The following DNAH14 variants were observed in gnomAD, a reference collection of about 807,000 sequenced individuals.
The protein encoded by DNAH14 is dynein axonemal heavy chain 14.
Under a neutral mutation model 520.9 loss-of-function variants are expected in DNAH14, and 478 were observed. The observed-to-expected ratio is 0.92, with a 90% confidence interval of 0.85 to 0.99. The LOEUF (loss-of-function observed/expected upper bound fraction) is 0.99, where lower values mean the gene tolerates loss of function less well. DNAH14 is among the 50% of genes least tolerant of loss of function. The pLI, the probability that DNAH14 is intolerant of heterozygous loss-of-function variation, is 0.00. For missense variants in DNAH14, 4,831 were observed against 5,234.5 expected, an observed-to-expected ratio of 0.92 and a Z score of 2.38; for synonymous variants, 1,581 against 1,757.2, an observed-to-expected ratio of 0.90 and a Z score of 2.51.
At chr1:225,142,068 T>G (rs2079510984) in intron 28 of DNAH14, among the ~76,000 whole-genome samples, 1 of 152,230 alleles carries the variant, frequency 6.6e-6, no homozygotes, top group Non-Finnish European at 1.5e-5. Flanking sequence ...TATACTCACA[T>G]GTTCATTAAA....
At chr1:225,344,910 T>C (rs71646716) in intron 69 of DNAH14, among the ~76,000 whole-genome samples, 17,225 of 151,994 alleles carry the variant, frequency 0.11, 1,162 homozygotes, top group East Asian at 0.26. Context: ...AGAAGGGTTT[T>C]CACCATGTTG....
chr1:225,141,462 G>A (rs537831460), intron 28 of DNAH14, among the ~76,000 whole-genome samples: 5 of 129,380 alleles, frequency 3.9e-5, no homozygotes, highest in East Asian at 4.5e-4. Flanking sequence ...TGAACTATAC[G>A]TATCCTCTGT....
At chr1:225,107,526 A>G (rs1384475773) in intron 23 of DNAH14, among the ~76,000 whole-genome samples, 1 of 152,152 alleles carries the variant, frequency 6.6e-6, no homozygotes, top group Non-Finnish European at 1.5e-5. Context: ...ATGGACATAC[A>G]TGGAGTGTTT....
intron 8 of DNAH14, among the ~76,000 whole-genome samples, chr1:224,982,283 CCT>C (rs553014071): frequency 4.5e-4 from 69 of 152,276 alleles, no homozygotes; most frequent in South Asian, 2.1e-3. Flanking sequence ...CAGTGTCAAA[CCT>C]CTCTTGGTGT....
intron 15 of DNAH14, among the ~76,000 whole-genome samples, chr1:225,046,925 C>A (rs2068018030): frequency 6.6e-6 from 1 of 152,034 alleles, no homozygotes; most frequent in South Asian, 2.1e-4. Flanking sequence ...GTGACTACTT[C>A]CTTAGTTTCC....
chr1:225,374,637 G>A, intron 77 of DNAH14, 51 bp from the exon 78 acceptor site: 2 of 1,419,984 alleles, frequency 1.4e-6, no homozygotes, highest in South Asian at 1.5e-5. Flanking sequence ...GTCAGAGTGA[G>A]TAAGCTGGAA....
chr1:225,170,492 TA>T, intron 36 of DNAH14, among the ~76,000 whole-genome samples: 1 of 152,078 alleles, frequency 6.6e-6, no homozygotes, highest in East Asian at 1.9e-4. Context: ...AAACAGACTT[TA>T]AACCAACAAA....
chr1:225,374,271 T>TTC, intron 77 of DNAH14, among the ~76,000 whole-genome samples: 1 of 88,736 alleles, frequency 1.1e-5, no homozygotes, highest in East Asian at 6.3e-4. Flanking sequence ...TATATATATA[T>TTC]TTTTTTTTGA....
chr1:225,097,292 T>C, intron 22 of DNAH14, 53 bp downstream of exon 22: 1 of 1,452,214 alleles, frequency 6.9e-7, no homozygotes, highest in Non-Finnish European at 9.2e-7. Flanking sequence ...TGTGAGTAAT[T>C]TATTTTCTTT....
chr1:225,084,293 T>C (rs1444760520), intron 20 of DNAH14, among the ~76,000 whole-genome samples: 5 of 152,106 alleles, frequency 3.3e-5, no homozygotes, highest in African/African-American at 1.2e-4. Flanking sequence ...TCCTGGATGA[T>C]TTTGGCCATC....
chr1:225,140,287 G>C (rs903635306), intron 27 of DNAH14, among the ~76,000 whole-genome samples: 1 of 152,114 alleles, frequency 6.6e-6, no homozygotes, highest in African/African-American at 2.4e-5. Context: ...GAGTCAATCT[G>C]ACCTTAATCC....
chr1:225,172,246 T>C (rs1372108129), intron 36 of DNAH14, among the ~76,000 whole-genome samples: 1 of 152,140 alleles, frequency 6.6e-6, no homozygotes, highest in African/African-American at 2.4e-5. Flanking sequence ...CAACATAGTG[T>C]TGGCAGTTCT....
intron 81 of DNAH14, among the ~76,000 whole-genome samples, chr1:225,385,383 G>A (rs1355266436): frequency 3.3e-5 from 5 of 152,124 alleles, no homozygotes; most frequent in Non-Finnish European, 7.4e-5. Flanking sequence ...GGCCAGCGCA[G>A]TCAGGCAAGA....
chr1:225,187,670 C>T (rs192919554), intron 37 of DNAH14, among the ~76,000 whole-genome samples: 25 of 151,942 alleles, frequency 1.6e-4, no homozygotes, highest in African/African-American at 5.1e-4. Flanking sequence ...CCCATTCTAG[C>T]GGATGCGAAA....
In DNAH14 at chr1:225,043,969, T is replaced by G. The variant is rs753646518; in HGVS notation, c.1898T>G (p.Met633Arg). ...AAAATTCAAAATATGTTGACTAATA[T>G]GGAAAAATGTATAAGTAAGTGTTTT... The part of the protein sequence containing the change: ...SVKIQNMLTN[M>R]EKCITTITPL... Residue 633 changes from methionine to arginine, a missense_variant, in exon 15 of 86, where the codon ATG (methionine) becomes AGG (arginine). By Grantham distance (91) the Met-to-Arg change is moderately conservative. Transcript: ENST00000682510. 6.7e-7 allele frequency: 1 copy of G among 1,487,394 alleles called. No homozygotes were observed. Among genetic ancestry groups the G allele is most frequent in the Non-Finnish European group, 9.1e-7 (1 of 1,096,650 alleles). The allele number at this position is 1,487,394 out of a possible 1,614,324, so 92.1% of individuals were successfully genotyped here. A position where few individuals can be genotyped will look rare whatever the true frequency, so the allele number is the denominator to read the frequency against.
intron 1 of DNAH14, among the ~76,000 whole-genome samples, chr1:224,934,689 C>A (rs1004494717): frequency 6.6e-6 from 1 of 151,546 alleles, no homozygotes; most frequent in African/African-American, 2.4e-5. Context: ...GCTCAGTGAT[C>A]CTCAGGCAGA....
Position 225,351,784 on chromosome 1 carries a change from G to T in DNAH14, c.11434G>T (p.Asp3812Tyr). Residue 3812 changes from aspartate to tyrosine, a missense_variant, in exon 72 of 86, where the codon GAT becomes TAT. Transcript: ENST00000682510. ...CCTTTTATCAAACGTATCACAATGG[G>T]ATACTTTTAAGAACAGTAAAGCAGT... ...KSLLSNVSQW[D>Y]TFKNSKAVYS... is the part of the protein sequence containing the mutation. 1.3e-6 allele frequency: 2 copies of T among 1,551,256 alleles called. No individual in the cohort carries two copies. The highest frequency in any genetic ancestry group is 1.7e-6 in the Non-Finnish European group (2 of 1,146,752).
intron 66 of DNAH14, among the ~76,000 whole-genome samples, chr1:225,335,651 ACG>A (rs1215332440): frequency 0.029 from 3,933 of 133,460 alleles, 979 homozygotes; most frequent in South Asian, 0.053. Flanking sequence ...ATATGTATAT[ACG>A]CATATATACA....
At chr1:225,301,221 G>A (rs2094133274) in intron 56 of DNAH14, among the ~76,000 whole-genome samples, 191 bp downstream of exon 56, 1 of 152,082 alleles carries the variant, frequency 6.6e-6, no homozygotes, top group South Asian at 2.1e-4. Context: ...ACATGAATCT[G>A]AGCCTGTCTG....
Sources: allele counts gnomAD v4.1 joint callset (sites outside exome capture counted in the v4.1 genomes callset), GRCh38; gene constraint gnomAD v4.1.1; transcripts MANE v1.5; gene names NCBI Gene and HGNC (gene_info 2026-07-23, HGNC 2026-07-21).